The following VIRMA variants were observed in gnomAD, a reference collection of about 807,000 sequenced individuals.
VIRMA encodes vir like m6A methyltransferase associated, also known as protein virilizer homolog.
A neutral mutation model predicts 182.4 loss-of-function variants in VIRMA; 65 were observed. The ratio of observed to expected loss-of-function variants is 0.36; its 90% CI spans 0.29 to 0.44. VIRMA has a LOEUF of 0.44. Ranked by LOEUF, VIRMA falls within the 20% of genes least tolerant of loss-of-function variation. VIRMA has a pLI of 1.00. For synonymous variants in VIRMA, 709 were observed against 743.1 expected (o/e 0.95, Z 0.75); for missense variants, 1,752 against 2,158.1 (o/e 0.81, Z 3.73).
intron 16 of VIRMA, among the ~76,000 whole-genome samples, chr8:94,501,139 C>T (rs889113259): frequency 1.3e-4 from 19 of 151,174 alleles, no homozygotes; most frequent in Admixed American, 4.0e-4. Flanking sequence ...GCCTGTAATC[C>T]CAGCTACTCG....
In VIRMA at chr8:94,519,437, C is replaced by T. The variant is rs1814682490; in HGVS notation, c.2061G>A (p.Leu687=). 6.5e-7 allele frequency: 1 copy of T among 1,527,258 alleles called. No homozygotes were observed. The highest frequency in any genetic ancestry group is 8.8e-7 in the Non-Finnish European group (1 of 1,142,298). The allele number at this position is 1,527,258 out of a possible 1,614,324, so 94.6% of individuals were successfully genotyped here. ...HSHHFLELVT[L]LLSIPVTSAH... ...CACTTGTTACTGGAATTGACAGAAG[C>T]AAGGTAACCAACTCCAAGAAGTGAT... is the stretch of plus-strand genomic sequence containing the variant. Residue 687 remains leucine, a synonymous_variant, in exon 9 of 24, where the codon TTG becomes TTA. Transcript: ENST00000297591.
chr8:94,535,250 T>C (rs1383560924), intron 4 of VIRMA, among the ~76,000 whole-genome samples: 1 of 152,114 alleles, frequency 6.6e-6, no homozygotes, highest in Non-Finnish European at 1.5e-5. Context: ...ATGTCAACCT[T>C]GTTCAAAAAG....
At position 94,509,827 on chromosome 8, in the gene VIRMA, T is replaced by A; in HGVS notation, c.3740A>T (p.Asn1247Ile). The A allele has an allele frequency of 6.2e-7, 1 of 1,614,094 alleles. No homozygotes were observed. The highest frequency in any genetic ancestry group is 8.5e-7 in the Non-Finnish European group (1 of 1,179,986). Residue 1247 changes from asparagine to isoleucine, a missense_variant, in exon 15 of 24, where the codon AAT becomes ATT. This residue lies in a region of VIRMA where 777 missense variants were observed against 920.6 expected (regional missense o/e 0.84). Coordinates refer to ENST00000297591, the MANE Select transcript of VIRMA (RefSeq NM_015496.5). ...ACKLAILHLI[N>I]GTIKGDERYA... is the part of the protein sequence containing the mutation. ...TCTTTCATCACCTTTAATAGTTCCA[T>A]TAATTAGATGCAAAATAGCTAATTT...
rs1309629459 is a variant in VIRMA, at chr8:94,509,752, T to C, written c.3815A>G (p.Asp1272Gly). The C allele has an allele frequency of 6.2e-7, 1 of 1,614,064 alleles. No individual in the cohort carries two copies. The highest frequency in any genetic ancestry group is 8.5e-7 in the Non-Finnish European group (1 of 1,179,950). The change falls in exon 15 of 24, where the codon GAC becomes GGC. Residue 1272 changes from aspartate (D) to glycine (G), a missense_variant. By Grantham distance (94) the Asp-to-Gly change is moderately conservative (BLOSUM62 -1). Transcript: ENST00000297591. ...AACACACTGTTGGCGAATAACACTG[T>C]CTCCAGGAGACCGCACCAAAGCTAA... is the stretch of plus-strand genomic sequence containing the variant. ...DLLALVRSPG[D>G]SVIRQQCVEY...
chr8:94,538,233 T>A, intron 3 of VIRMA, 27 bp downstream of exon 3: 1 of 1,452,168 alleles, frequency 6.9e-7, no homozygotes, highest in Non-Finnish European at 9.7e-7. Flanking sequence ...CATGAGTTTC[T>A]GGTGAAATTA....
Position 94,526,234 on chromosome 8 carries a change from A to G in VIRMA, c.2010T>C (p.Pro670=), listed in dbSNP as rs1161780659. ...TGPPERDDPY[P]VLFRYLHSHH... is the part of the protein sequence containing the mutation. ...CAAACATGTCTTACCTAAAGAGAAC[A>G]GGGTATGGATCATCCCTCTCTGGAG... is the stretch of plus-strand genomic sequence containing the variant. The change falls in exon 8 of 24, where the codon CCT becomes CCC. Residue 670 remains proline, a synonymous_variant. Transcript: ENST00000297591. The G allele has an allele frequency of 6.3e-7, 1 of 1,595,526 alleles. No individual in the cohort carries two copies. The highest frequency in any genetic ancestry group is 8.5e-7 in the Non-Finnish European group (1 of 1,173,562).
chr8:94,535,468 C>T (rs530799070), intron 4 of VIRMA, among the ~76,000 whole-genome samples: 3 of 152,258 alleles, frequency 2.0e-5, no homozygotes, highest in South Asian at 2.1e-4. Flanking sequence ...GTATATTTTA[C>T]GTACCCACAT....
At chr8:94,525,315 C>T (rs753590952) in intron 8 of VIRMA, among the ~76,000 whole-genome samples, 9 of 152,240 alleles carry the variant, frequency 5.9e-5, no homozygotes, top group Non-Finnish European at 8.8e-5. Context: ...TGAGCCCCAG[C>T]TGTCCACAGC....
rs57293056 is a variant in VIRMA, at chr8:94,488,441, T to C, written c.*265A>G. On this transcript the variant is annotated 3_prime_UTR_variant, in exon 24 of 24. Transcript: ENST00000297591. ...ATATCTGTGCTATAGGCAAGAAAAA[T>C]ACAAAACATCATTTAGTTTTTCACC... The C allele has an allele frequency of 3.1e-6, 1 of 327,624 alleles. No homozygotes were observed. The highest frequency in any genetic ancestry group is 2.1e-5 in the African/African-American group (1 of 48,102). The allele number at this position is 327,624 out of a possible 1,614,324, so 20.3% of individuals were successfully genotyped here.
chr8:94,519,984 G>A (rs929634264), intron 8 of VIRMA, among the ~76,000 whole-genome samples: 2 of 152,072 alleles, frequency 1.3e-5, no homozygotes, highest in Non-Finnish European at 2.9e-5. Flanking sequence ...GCCGAGGCAG[G>A]CAGATCACTT....
chr8:94,545,836 C>T (rs1272383501), intron 1 of VIRMA, among the ~76,000 whole-genome samples: 1 of 152,112 alleles, frequency 6.6e-6, no homozygotes, highest in Non-Finnish European at 1.5e-5. Flanking sequence ...AGGAGGATCA[C>T]TTGAGGGCAG....
intron 8 of VIRMA, among the ~76,000 whole-genome samples, chr8:94,526,014 T>C (rs1378734049): frequency 6.6e-6 from 1 of 152,186 alleles, no homozygotes. Context: ...TTCACTGAAG[T>C]TCCCATTTTT....
At chr8:94,534,188 ATTAGTTAAGATG>A (rs1303719678) in intron 5 of VIRMA, 2 of 152,238 alleles carry the variant, frequency 1.3e-5, no homozygotes, top group Non-Finnish European at 2.9e-5. Context: ...AGAAATCTAC[ATTAGTTAAGATG>A]TAGATACCTA....
chr8:94,534,023 A>G (rs1815255479), intron 5 of VIRMA: 1 of 152,200 alleles, frequency 6.6e-6, no homozygotes, highest in Admixed American at 6.5e-5. Flanking sequence ...CACTGCTCTC[A>G]GCCTTGTGGT....
At chr8:94,510,980 A>T (rs1814349977) in intron 13 of VIRMA, 1 of 1,382,496 alleles carries the variant, frequency 7.2e-7, no homozygotes, top group Non-Finnish European at 9.4e-7. Flanking sequence ...AATAAAACTC[A>T]CTTTAACAAA....
At chr8:94,545,285 C>T (rs937297292) in intron 1 of VIRMA, among the ~76,000 whole-genome samples, 2 of 152,096 alleles carry the variant, frequency 1.3e-5, no homozygotes, top group African/African-American at 4.8e-5. Context: ...AATTTTATGT[C>T]AACTTTTCCT....
intron 9 of VIRMA, among the ~76,000 whole-genome samples, chr8:94,518,519 C>T (rs1160797397): frequency 6.6e-6 from 1 of 152,200 alleles, no homozygotes; most frequent in Non-Finnish European, 1.5e-5. Flanking sequence ...TCTTTCTTCT[C>T]ATATAATAAA....
chr8:94,543,922 C>T lies in VIRMA; in HGVS notation c.84G>A (p.Val28=), dbSNP rs1815668216. The part of the protein sequence containing the change: ...PSAEQSSHID[V]VRFPCVVYIN... ...TATAAACCACACATGGAAAACGAACCACATCTATATGAGAACTTTGCTGTA... is the reference window on the plus strand; with the variant it reads ...TATAAACCACACATGGAAAACGAACTACATCTATATGAGAACTTTGCTGTA... The change falls in exon 2 of 24, where the codon GTG becomes GTA. Residue 28 remains valine, a synonymous_variant. Transcript: ENST00000297591. 6.2e-7 allele frequency: 1 copy of T among 1,608,522 alleles called. No individual in the cohort carries two copies. The highest frequency in any genetic ancestry group is 2.2e-5 in the East Asian group (1 of 44,764).
At chr8:94,527,846 A>T (rs987131536) in intron 7 of VIRMA, among the ~76,000 whole-genome samples, 1 of 152,236 alleles carries the variant, frequency 6.6e-6, no homozygotes, top group African/African-American at 2.4e-5. Flanking sequence ...GATTCGTTTT[A>T]TAACAATTTC....
Sources: allele counts gnomAD v4.1 joint callset (sites outside exome capture counted in the v4.1 genomes callset), GRCh38; gene constraint gnomAD v4.1.1; regional missense constraint gnomAD v4.1.1; transcripts MANE v1.5; gene names NCBI Gene and HGNC (gene_info 2026-07-23, HGNC 2026-07-21).